The following ITGB6 variants were observed in gnomAD, a reference collection of about 807,000 sequenced individuals.
ITGB6 encodes integrin beta-6.
In ITGB6, 80 loss-of-function variants were observed where a neutral mutation model predicts 84.5. The observed-to-expected ratio is 0.95, with a 90% confidence interval of 0.79 to 1.14. The LOEUF (loss-of-function observed/expected upper bound fraction) is 1.14. ITGB6 is among the 50% of genes most tolerant of loss of function. The pLI is 0.00. For missense variants in ITGB6, 1,006 were observed against 968.0 expected, an observed-to-expected ratio of 1.04 and a Z score of -0.52; for synonymous variants, 383 against 354.9, an observed-to-expected ratio of 1.08 and a Z score of -0.89.
intron 10 of ITGB6, among the ~76,000 whole-genome samples, chr2:160,133,384 T>C (rs184679362): frequency 5.3e-4 from 80 of 152,268 alleles, no homozygotes; most frequent in Non-Finnish European, 9.0e-4. Flanking sequence ...ACGCACCCAG[T>C]ACAGGAGCAC....
chr2:160,129,488 C>T lies in ITGB6; in HGVS notation c.1661-2887G>A, dbSNP rs140043866. On this transcript the variant is annotated intron_variant, in intron 10 of 14. Transcript: ENST00000283249. ...TAGGATTACCTAAGACAGTATATAA[C>T]AGTGTTTAGAACGGTACCTGGCCCA... 1.7e-3 allele frequency among the ~76,000 whole-genome samples: 252 copies of T among 151,014 alleles called. 1 individual carries two copies. The highest frequency in any genetic ancestry group is 5.6e-3 in the African/African-American group (231 of 41,054).
At chr2:160,136,034 A>C (rs536681104) in intron 10 of ITGB6, among the ~76,000 whole-genome samples, 5 of 152,348 alleles carry the variant, frequency 3.3e-5, no homozygotes, top group Admixed American at 3.3e-4. Context: ...CAATGGCAAC[A>C]AAAGCCAAAA....
At chr2:160,148,502 C>G (rs1264664040) in intron 7 of ITGB6, among the ~76,000 whole-genome samples, 1 of 152,234 alleles carries the variant, frequency 6.6e-6, no homozygotes, top group Non-Finnish European at 1.5e-5. Context: ...TGAATAGGAA[C>G]AGCTCCGATC....
At chr2:160,179,835 C>T (rs558901984) in intron 4 of ITGB6, among the ~76,000 whole-genome samples, 28 of 151,140 alleles carry the variant, frequency 1.9e-4, no homozygotes, top group African/African-American at 4.6e-4. Context: ...GGGTGGTTCA[C>T]GCCTGTAATC....
chr2:160,106,024 A>G (rs1401359322), intron 14 of ITGB6, among the ~76,000 whole-genome samples: 1 of 152,128 alleles, frequency 6.6e-6, no homozygotes, highest in Non-Finnish European at 1.5e-5. Context: ...ACCTGCTTCA[A>G]CTATCCCTCC....
chr2:160,194,912 T>C (rs1686273329), intron 4 of ITGB6, among the ~76,000 whole-genome samples: 1 of 152,164 alleles, frequency 6.6e-6, no homozygotes, highest in Non-Finnish European at 1.5e-5. Context: ...TTTCCCAAAG[T>C]ATGTCAGAGA....
intron 10 of ITGB6, among the ~76,000 whole-genome samples, chr2:160,137,151 T>A (rs1188599543): frequency 1.3e-5 from 2 of 152,008 alleles, no homozygotes; most frequent in Admixed American, 6.6e-5. Flanking sequence ...CAGGCACTTT[T>A]GTAGAGTCTG....
intron 4 of ITGB6, among the ~76,000 whole-genome samples, chr2:160,176,644 C>A (rs556235124): frequency 4.6e-5 from 7 of 152,288 alleles, no homozygotes; most frequent in African/African-American, 1.4e-4. Flanking sequence ...AGAGTTAATG[C>A]ATAATAAATA....
At chr2:160,124,059 G>A (rs1426106808) in intron 11 of ITGB6, among the ~76,000 whole-genome samples, 171 bp from the exon 12 acceptor site, 1 of 152,212 alleles carries the variant, frequency 6.6e-6, no homozygotes, top group African/African-American at 2.4e-5. Flanking sequence ...AGTGAACACT[G>A]AATTATTCTG....
intron 11 of ITGB6, 68 bp from the exon 12 acceptor site, chr2:160,123,956 C>T: frequency 1.8e-6 from 2 of 1,124,936 alleles, no homozygotes; most frequent in South Asian, 2.6e-5. Context: ...TTGAATATTG[C>T]TTTACTGCTG....
intron 10 of ITGB6, among the ~76,000 whole-genome samples, chr2:160,131,373 C>G (rs935782694): frequency 6.6e-6 from 1 of 152,128 alleles, no homozygotes; most frequent in African/African-American, 2.4e-5. Context: ...TGAAAAAGAA[C>G]ATTGCGATAA....
chr2:160,139,153 A>C (rs758181652), intron 8 of ITGB6, among the ~76,000 whole-genome samples: 1 of 152,190 alleles, frequency 6.6e-6, no homozygotes, highest in African/African-American at 2.4e-5. Flanking sequence ...TATAAAATGA[A>C]AGTCTGTATT....
chr2:160,111,601 T>TTG (rs1682518372), intron 13 of ITGB6, among the ~76,000 whole-genome samples: 1 of 149,438 alleles, frequency 6.7e-6, no homozygotes, highest in Non-Finnish European at 1.5e-5. Context: ...TCTTAGCTGT[T>TTG]TTTTTTTTTT....
At chr2:160,165,184 T>C (rs1325064500) in intron 7 of ITGB6, among the ~76,000 whole-genome samples, 3 of 152,104 alleles carry the variant, frequency 2.0e-5, no homozygotes, top group African/African-American at 7.2e-5. Flanking sequence ...CACTACAGAA[T>C]GAGATTGATA....
At chr2:160,169,364 A>G (rs935345370) in intron 6 of ITGB6, 57 bp from the exon 7 acceptor site, 15 of 1,013,096 alleles carry the variant, frequency 1.5e-5, no homozygotes, top group Admixed American at 4.4e-5. Context: ...AAATAAAGAA[A>G]GGAATATTTA....
At chr2:160,121,949 G>A (rs1683059648) in intron 12 of ITGB6, among the ~76,000 whole-genome samples, 1 of 149,816 alleles carries the variant, frequency 6.7e-6, no homozygotes, top group Admixed American at 6.7e-5. Context: ...AATTCCTCTT[G>A]TTGGGGGAAG....
In ITGB6 at chr2:160,137,525, G is replaced by A. The variant is rs745321994; in HGVS notation, c.1569C>T (p.Ile523=). 1 of 1,614,206 alleles carries A rather than the reference G, an allele frequency of 6.2e-7. No individual in the cohort carries two copies. The highest frequency in any genetic ancestry group is 1.1e-5 in the South Asian group (1 of 91,088). Residue 523 remains isoleucine (I), a synonymous_variant, in exon 10 of 15, where the codon ATC becomes ATT. Transcript: ENST00000283249. ...GRGDCYCGQC[I]CHLSPYGNIY... The stretch of plus-strand genomic sequence containing the variant: ...TGTTTCCATAGGGAGACAAGTGGCA[G>A]ATACACTGCCCACAGTAGCAGTCAC...
chr2:160,171,847 G>T (rs775966355), intron 6 of ITGB6, among the ~76,000 whole-genome samples: 2 of 152,204 alleles, frequency 1.3e-5, no homozygotes, highest in Non-Finnish European at 2.9e-5. Flanking sequence ...GTCAAAGAAG[G>T]CTCTCTGGGG....
At position 160,112,165 on chromosome 2, in the gene ITGB6, C is replaced by T. The variant is rs1456893469; in HGVS notation, c.2016G>A (p.Leu672=). The change falls in exon 13 of 15, where the codon CTG becomes CTA. Residue 672 remains leucine (L), a synonymous_variant. Coordinates refer to ENST00000283249, the MANE Select transcript of ITGB6 (RefSeq NM_000888.5). ...FSKDGSVSCS[L]QGENECLITF... is the part of the protein sequence containing the mutation. The stretch of plus-strand genomic sequence containing the variant: ...TAATAAGACATTCATTTTCTCCTTG[C>T]AGAGAGCAGGAAACAGAACCATCCT... 1 of 1,612,520 alleles carries T rather than the reference C, an allele frequency of 6.2e-7. No homozygotes were observed. Among genetic ancestry groups the T allele is most frequent in the South Asian group, 1.1e-5 (1 of 90,922 alleles).
Sources: allele counts gnomAD v4.1 joint callset (sites outside exome capture counted in the v4.1 genomes callset), GRCh38; gene constraint gnomAD v4.1.1; transcripts MANE v1.5; gene names NCBI Gene and HGNC (gene_info 2026-07-23, HGNC 2026-07-21).